The following ENTREP2 variants were observed in gnomAD, a reference collection of about 807,000 sequenced individuals.
The protein encoded by ENTREP2 is endosomal transmembrane epsin interactor 2, also known as protein ENTREP2.
chr15:29,426,140 C>G, the ENTREP2 span, among the ~76,000 whole-genome samples: 1 of 151,996 alleles, frequency 6.6e-6, no homozygotes, highest in African/African-American at 2.4e-5. Flanking sequence ...TTGTGCACTA[C>G]AAGTCATTTC....
At chr15:29,182,718 G>T in the ENTREP2 span, among the ~76,000 whole-genome samples, 1 of 152,024 alleles carries the variant, frequency 6.6e-6, no homozygotes, top group Non-Finnish European at 1.5e-5. Context: ...TTGGAGGAAT[G>T]AGAATGGCCA....
At chr15:29,166,817 C>G in the ENTREP2 span, among the ~76,000 whole-genome samples, 1 of 152,068 alleles carries the variant, frequency 6.6e-6, no homozygotes, top group Admixed American at 6.5e-5. Flanking sequence ...TTAGAAAAAA[C>G]AATTCTAAAA....
chr15:29,384,717 G>A, the ENTREP2 span, among the ~76,000 whole-genome samples: 1 of 151,814 alleles, frequency 6.6e-6, no homozygotes, highest in African/African-American at 2.4e-5. Context: ...CCCAACCTCC[G>A]AGACAGCCCC....
At chr15:29,459,185 C>T in the ENTREP2 span, among the ~76,000 whole-genome samples, 7 of 152,214 alleles carry the variant, frequency 4.6e-5, no homozygotes, top group Admixed American at 4.6e-4. Flanking sequence ...CCACTCCATG[C>T]GTCCCCAGCC....
the ENTREP2 span, among the ~76,000 whole-genome samples, chr15:29,261,646 C>T: frequency 6.6e-6 from 1 of 152,256 alleles, no homozygotes; most frequent in South Asian, 2.1e-4. Context: ...ATTTTATACG[C>T]AACATTTTAT....
At chr15:29,293,509 G>A in the ENTREP2 span, among the ~76,000 whole-genome samples, 4 of 151,980 alleles carry the variant, frequency 2.6e-5, no homozygotes, top group Non-Finnish European at 1.5e-5. Context: ...GCCCGCCTTG[G>A]CCTCCCAAAG....
chr15:29,300,838 C>T, the ENTREP2 span, among the ~76,000 whole-genome samples: 1 of 152,212 alleles, frequency 6.6e-6, no homozygotes, highest in Non-Finnish European at 1.5e-5. Flanking sequence ...ACCTCGTGAT[C>T]TGCCTGCCTG....
At chr15:29,339,279 G>A in the ENTREP2 span, among the ~76,000 whole-genome samples, 126 of 152,354 alleles carry the variant, frequency 8.3e-4, no homozygotes, top group African/African-American at 2.9e-3. Flanking sequence ...CCTTCAGAGT[G>A]GCTCTTAGCA....
the ENTREP2 span, among the ~76,000 whole-genome samples, chr15:29,158,259 T>C: frequency 6.6e-6 from 1 of 152,208 alleles, no homozygotes; most frequent in Admixed American, 6.5e-5. Context: ...TCATGAAAGG[T>C]ATTCATTTGA....
At chr15:29,529,640 A>G in the ENTREP2 span, among the ~76,000 whole-genome samples, 1 of 152,074 alleles carries the variant, frequency 6.6e-6, no homozygotes, top group South Asian at 2.1e-4. Flanking sequence ...CTCCAGCATC[A>G]GCAAGGCCCC....
At chr15:29,467,039 A>C in the ENTREP2 span, among the ~76,000 whole-genome samples, 5 of 92,916 alleles carry the variant, frequency 5.4e-5, no homozygotes, top group South Asian at 8.6e-4. Context: ...GTGGATGCTG[A>C]TGGCCCCAGG....
the ENTREP2 span, among the ~76,000 whole-genome samples, chr15:29,567,663 G>C: frequency 6.6e-6 from 1 of 152,080 alleles, no homozygotes; most frequent in Non-Finnish European, 1.5e-5. Context: ...CAGGGAGAGG[G>C]AACCACACAA....
At chr15:29,424,382 T>C in the ENTREP2 span, among the ~76,000 whole-genome samples, 1 of 152,002 alleles carries the variant, frequency 6.6e-6, no homozygotes, top group Non-Finnish European at 1.5e-5. Context: ...TTTTACAGAG[T>C]GCTGATTGGT....
the ENTREP2 span, among the ~76,000 whole-genome samples, chr15:29,369,020 G>T: frequency 6.6e-6 from 1 of 152,166 alleles, no homozygotes; most frequent in East Asian, 1.9e-4. Flanking sequence ...GTTAATTGAG[G>T]TTATCCAGCC....
the ENTREP2 span, among the ~76,000 whole-genome samples, chr15:29,560,156 G>A: frequency 1.3e-5 from 2 of 152,176 alleles, no homozygotes; most frequent in South Asian, 4.1e-4. Context: ...AGAAGAATCA[G>A]TAGGATGACA....
chr15:29,670,033 G>C, the ENTREP2 span, among the ~76,000 whole-genome samples: 3 of 152,192 alleles, frequency 2.0e-5, no homozygotes, highest in Non-Finnish European at 4.4e-5. Context: ...TCATTCCGAA[G>C]CCATGTCAGC....
the ENTREP2 span, among the ~76,000 whole-genome samples, chr15:29,587,779 C>T: frequency 6.6e-6 from 1 of 152,152 alleles, no homozygotes; most frequent in Non-Finnish European, 1.5e-5. Context: ...TGGCCTCAGT[C>T]TCCCGAGTAG....
chr15:29,240,417 A>T, the ENTREP2 span, among the ~76,000 whole-genome samples: 6,217 of 152,130 alleles, frequency 0.041, 470 homozygotes, highest in African/African-American at 0.14. Flanking sequence ...TCAATGCAAC[A>T]GCGTTGGGAG....
the ENTREP2 span, among the ~76,000 whole-genome samples, chr15:29,582,125 G>T: frequency 6.6e-6 from 1 of 152,114 alleles, no homozygotes; most frequent in Non-Finnish European, 1.5e-5. Flanking sequence ...TGTATTTTTA[G>T]TAGAGATGGG....
Sources: allele counts gnomAD v4.1 joint callset (sites outside exome capture counted in the v4.1 genomes callset), GRCh38; gene constraint gnomAD v4.1.1; transcripts MANE v1.5; gene names NCBI Gene and HGNC (gene_info 2026-07-23, HGNC 2026-07-21).